TMCO5A: variants seen among roughly 807,000 people sequenced by gnomAD.
TMCO5A encodes transmembrane and coiled-coil domain-containing protein 5A.
In TMCO5A, 34 loss-of-function variants were observed where a neutral mutation model predicts 42.3. The ratio of observed to expected loss-of-function variants is 0.80; its 90% CI spans 0.61 to 1.07. TMCO5A has a LOEUF of 1.07. Ranked by LOEUF, TMCO5A falls within the 50% of genes least tolerant of loss-of-function variation. The pLI is 0.00. For synonymous variants in TMCO5A, 131 were observed against 115.6 expected (o/e 1.13, Z -0.86); for missense variants, 357 against 327.9 (o/e 1.09, Z -0.69).
intron 11 of TMCO5A, among the ~76,000 whole-genome samples, chr15:37,960,023 T>A (rs1369125988): frequency 1.3e-5 from 2 of 151,962 alleles, no homozygotes; most frequent in Non-Finnish European, 2.9e-5. Flanking sequence ...TAACTTTTTT[T>A]ATAAGTTATT....
downstream of TMCO5A, among the ~76,000 whole-genome samples, chr15:37,971,340 C>G (rs1241223352): frequency 1.3e-5 from 2 of 152,162 alleles, no homozygotes; most frequent in Non-Finnish European, 2.9e-5. Context: ...GGCTGGAACA[C>G]AAGGCACCAA....
the TMCO5A span, among the ~76,000 whole-genome samples, chr15:37,975,185 C>G: frequency 6.4e-4 from 97 of 151,820 alleles, no homozygotes; most frequent in African/African-American, 2.1e-3. Flanking sequence ...GGTGTATGTG[C>G]CCATGCAAAG....
chr15:37,993,241 T>TA, the TMCO5A span, among the ~76,000 whole-genome samples: 1 of 152,124 alleles, frequency 6.6e-6, no homozygotes, highest in East Asian at 1.9e-4. Flanking sequence ...TGTTTTTTTT[T>TA]AAATGGGGGC....
At chr15:37,942,149 C>T in intron 8 of TMCO5A, 42 bp from the exon 9 acceptor site, 1 of 1,582,356 alleles carries the variant, frequency 6.3e-7, no homozygotes, top group Admixed American at 1.7e-5. Flanking sequence ...AATTGTAAAC[C>T]TTCTAAGTAG....
chr15:38,004,056 AG>A, the TMCO5A span, among the ~76,000 whole-genome samples: 2,410 of 152,232 alleles, frequency 0.016, 78 homozygotes, highest in African/African-American at 0.056. Context: ...CCAAGGCCCA[AG>A]GTGAATACTG....
the TMCO5A span, among the ~76,000 whole-genome samples, chr15:38,025,572 T>C: frequency 6.6e-6 from 1 of 152,224 alleles, no homozygotes; most frequent in Non-Finnish European, 1.5e-5. Flanking sequence ...ATTTAAAATA[T>C]GTATTTTTTA....
the TMCO5A span, among the ~76,000 whole-genome samples, chr15:37,981,798 C>T: frequency 5.3e-5 from 8 of 152,322 alleles, no homozygotes; most frequent in East Asian, 1.2e-3. Context: ...GGGAGATAAA[C>T]GGCTGTTGGC....
chr15:37,942,363 G>A (rs1889778208), intron 9 of TMCO5A, 108 bp downstream of exon 9: 11 of 1,006,080 alleles, frequency 1.1e-5, no homozygotes, highest in South Asian at 8.8e-5. Flanking sequence ...AATGAGTCCC[G>A]ACGCCACATA....
chr15:38,021,752 A>T, the TMCO5A span, among the ~76,000 whole-genome samples: 1 of 151,934 alleles, frequency 6.6e-6, no homozygotes, highest in East Asian at 1.9e-4. Context: ...TAACTTTTTA[A>T]TTTTTTTAAT....
chr15:37,975,444 A>G, the TMCO5A span, among the ~76,000 whole-genome samples: 42 of 145,092 alleles, frequency 2.9e-4, 3 homozygotes, highest in African/African-American at 1.2e-3. Flanking sequence ...ATATATTTAG[A>G]AGAGTCAGAT....
chr15:37,935,922 G>A (rs79867017), intron 2 of TMCO5A: 2,917 of 153,032 alleles, frequency 0.019, 104 homozygotes, highest in African/African-American at 0.067. Flanking sequence ...TATGCCAGGT[G>A]CTTAGATAAA....
At chr15:38,014,853 TTATATATATATATATATATATATATA>T in the TMCO5A span, among the ~76,000 whole-genome samples, 176 of 54,636 alleles carry the variant, frequency 3.2e-3, 9 homozygotes, top group African/African-American at 0.012. Flanking sequence ...AGGAGAAAGA[TTATATATATATATATATATATATATA>T]TATATATATA....
At chr15:37,941,762 G>A (rs747798979) in intron 8 of TMCO5A, 32 bp downstream of exon 8, 4 of 1,534,906 alleles carry the variant, frequency 2.6e-6, no homozygotes, top group Non-Finnish European at 3.6e-6. Flanking sequence ...ATAGCAAAGG[G>A]TTTATTAAGG....
rs114798026 is a variant in TMCO5A, at chr15:37,966,694, C to G, written c.*51C>G. ...GATCTCGTACTACCAGATTGGCAAC[C>G]TTTGCAGAATAAAAGTCTTTTCCAA... On this transcript the variant is annotated 3_prime_UTR_variant, in exon 12 of 12. Coordinates refer to the TMCO5A transcript ENST00000559502. 4.5e-3 allele frequency: 3,192 copies of G among 702,770 alleles called. 64 individuals are homozygous for G. The African/African-American group carries it at 0.049, about 11-fold the overall frequency. 43.5% of individuals were successfully genotyped at this position (702,770 alleles called of 1,614,324 possible).
the TMCO5A span, among the ~76,000 whole-genome samples, chr15:38,036,169 G>T: frequency 6.6e-6 from 1 of 152,122 alleles, no homozygotes; most frequent in African/African-American, 2.4e-5. Flanking sequence ...CTTAGTTTAA[G>T]TTCCAGCTCA....
At chr15:37,969,503 G>A (rs186731235), downstream of TMCO5A, among the ~76,000 whole-genome samples, 104 of 152,312 alleles carry the variant, frequency 6.8e-4, 1 homozygote, top group Non-Finnish European at 1.3e-3. Flanking sequence ...CCAACACTAT[G>A]TCACTGCCTT....
chr15:37,965,019 C>T (rs961315544), intron 11 of TMCO5A, among the ~76,000 whole-genome samples: 5 of 152,170 alleles, frequency 3.3e-5, no homozygotes, highest in African/African-American at 1.2e-4. Context: ...AATTATACTA[C>T]AGAGCTATAG....
the TMCO5A span, among the ~76,000 whole-genome samples, chr15:38,028,836 G>A: frequency 6.6e-6 from 1 of 152,092 alleles, no homozygotes; most frequent in Non-Finnish European, 1.5e-5. Context: ...CAGTGCACTT[G>A]ATGCAAAATA....
chr15:37,977,433 T>C, the TMCO5A span, among the ~76,000 whole-genome samples: 54 of 152,324 alleles, frequency 3.5e-4, no homozygotes, highest in African/African-American at 1.3e-3. Flanking sequence ...GCAGGGTCTT[T>C]TGTAGCTGAA....
Sources: gnomAD v4.1 joint callset for allele counts (sites outside exome capture counted in the v4.1 genomes callset) on GRCh38, gnomAD v4.1.1 for gene constraint, MANE v1.5 for transcripts, NCBI Gene and HGNC (gene_info 2026-07-23, HGNC 2026-07-21) for gene names.